PDE11A: variants seen among roughly 807,000 people sequenced by gnomAD.
The protein encoded by PDE11A is dual 3',5'-cyclic-AMP and -GMP phosphodiesterase 11A.
In PDE11A, 100 loss-of-function variants were observed where a neutral mutation model predicts 100.5. The ratio of observed to expected loss-of-function variants is 1.00; its 90% CI spans 0.85 to 1.18. PDE11A has a LOEUF of 1.18. Among genes scored for constraint, PDE11A ranks in the 50% most tolerant of loss-of-function variants. The pLI, the probability that PDE11A is intolerant of heterozygous loss-of-function variation, is 0.00. For synonymous variants in PDE11A, 381 were observed against 420.8 expected (o/e 0.91, Z 1.16); for missense variants, 1,141 against 1,152.6 (o/e 0.99, Z 0.15).
At chr2:178,021,778 A>T (rs1201488060) in intron 1 of PDE11A, among the ~76,000 whole-genome samples, 1 of 152,196 alleles carries the variant, frequency 6.6e-6, no homozygotes, top group Non-Finnish European at 1.5e-5. Flanking sequence ...AATAGGAATT[A>T]TCCAGAAAAA....
chr2:178,053,402 A>G (rs905644471), intron 1 of PDE11A, among the ~76,000 whole-genome samples: 1 of 152,238 alleles, frequency 6.6e-6, no homozygotes, highest in Admixed American at 6.5e-5. Flanking sequence ...CCCACAGCCA[A>G]TATCATACTG....
At chr2:177,692,038 A>G (rs941873776) in intron 15 of PDE11A, among the ~76,000 whole-genome samples, 2 of 152,144 alleles carry the variant, frequency 1.3e-5, no homozygotes, top group Non-Finnish European at 1.5e-5. Flanking sequence ...GCAGTCCTCA[A>G]TCTTGGCTCA....
intron 2 of PDE11A, among the ~76,000 whole-genome samples, chr2:178,081,757 T>C (rs542431391): frequency 6.6e-6 from 1 of 152,242 alleles, no homozygotes; most frequent in Non-Finnish European, 1.5e-5. Context: ...TTGCAAACAA[T>C]TCTGGTGATT....
At chr2:177,736,434 G>A (rs1035300462) in intron 10 of PDE11A, among the ~76,000 whole-genome samples, 1 of 151,878 alleles carries the variant, frequency 6.6e-6, no homozygotes, top group Non-Finnish European at 1.5e-5. Flanking sequence ...TGAGGCAGGA[G>A]AATTGCTTAA....
intron 5 of PDE11A, among the ~76,000 whole-genome samples, chr2:177,846,454 C>G (rs1360829407): frequency 6.6e-6 from 1 of 152,086 alleles, no homozygotes; most frequent in Non-Finnish European, 1.5e-5. Context: ...AGGAAAGGGC[C>G]CAAATTATTT....
intron 19 of PDE11A, among the ~76,000 whole-genome samples, chr2:177,631,480 CAAAAAAAAAAAAAA>C (rs539411793): frequency 0.16 from 1,283 of 7,984 alleles, 45 homozygotes; most frequent in Non-Finnish European, 0.2. Flanking sequence ...GACTCTATCT[CAAAAAAAAAAAAAA>C]AAAAAAAAAA....
At chr2:178,108,294 A>T (rs1245052609) in exon 1 of PDE11A, 1 of 152,260 alleles carries the variant, frequency 6.6e-6, no homozygotes, top group Non-Finnish European at 1.5e-5. Context: ...CTCAACTTCG[A>T]GGCTGGCGAT....
chr2:177,664,095 T>C, intron 18 of PDE11A, 146 bp from the exon 19 acceptor site: 1 of 641,830 alleles, frequency 1.6e-6, no homozygotes, highest in Non-Finnish European at 2.8e-6. Flanking sequence ...ATACTTTCTT[T>C]TCCTTTATCT....
At chr2:177,630,309 T>A (rs533195091) in intron 19 of PDE11A, among the ~76,000 whole-genome samples, 35 of 152,314 alleles carry the variant, frequency 2.3e-4, no homozygotes, top group African/African-American at 8.4e-4. Flanking sequence ...ATTTTGTGTG[T>A]GTGTGTTTTT....
intron 2 of PDE11A, among the ~76,000 whole-genome samples, chr2:178,009,803 A>C (rs1195256902): frequency 1.3e-5 from 2 of 152,234 alleles, no homozygotes; most frequent in African/African-American, 2.4e-5. Context: ...TTTTTAATTT[A>C]TCTCAGTCAA....
rs2086775622 is a variant in PDE11A at position 178,048,122 on chromosome 2, A to C, written c.912+23404T>G. Among the ~76,000 whole-genome samples the C allele has an allele frequency of 2.0e-5, 3 of 152,222 alleles. No individual in the cohort carries two copies. In the South Asian group the frequency reaches 6.2e-4, roughly 32 times the overall value. On this transcript the variant is annotated intron_variant, in intron 1 of 19. Transcript: ENST00000286063. The stretch of plus-strand genomic sequence containing the variant: ...GAAGCAGTTTCAATAATCTGGGTGA[A>C]AGATAATGGTGACTTGAATCAGAGT...
chr2:178,054,976 G>A (rs1043792494), intron 1 of PDE11A, among the ~76,000 whole-genome samples: 15 of 152,302 alleles, frequency 9.8e-5, no homozygotes, highest in Admixed American at 3.9e-4. Context: ...AATACCATTT[G>A]ACCCAACATC....
chr2:177,997,364 T>G, intron 2 of PDE11A: 1 of 846,250 alleles, frequency 1.2e-6, no homozygotes, highest in Non-Finnish European at 2.1e-6. Flanking sequence ...TGAAGATTTC[T>G]GGGGTGGTGA....
At chr2:177,637,089 A>T (rs192743570) in intron 19 of PDE11A, among the ~76,000 whole-genome samples, 1 of 152,338 alleles carries the variant, frequency 6.6e-6, no homozygotes, top group East Asian at 1.9e-4. Context: ...TATATATTGA[A>T]TGTTCACTGT....
At chr2:178,055,683 T>C (rs1430432520) in intron 1 of PDE11A, among the ~76,000 whole-genome samples, 2 of 152,112 alleles carry the variant, frequency 1.3e-5, no homozygotes, top group Non-Finnish European at 2.9e-5. Context: ...ATGATTATTT[T>C]ACTATATACT....
chr2:177,664,579 G>T (rs1051340025), intron 18 of PDE11A, among the ~76,000 whole-genome samples: 1 of 152,044 alleles, frequency 6.6e-6, no homozygotes, highest in African/African-American at 2.4e-5. Context: ...AGATAATTTA[G>T]GTATATTTTT....
At chr2:177,662,621 G>A in intron 19 of PDE11A, among the ~76,000 whole-genome samples, 1 of 152,186 alleles carries the variant, frequency 6.6e-6, no homozygotes, top group Middle Eastern at 3.4e-3. Context: ...TTAAAATAAA[G>A]TATACATCAT....
rs575899024 is a variant in PDE11A, at chr2:178,060,282, C to T, written c.912+11244G>A. Among the ~76,000 whole-genome samples, 141 of 151,726 alleles carry T rather than the reference C, an allele frequency of 9.3e-4. 1 individual carries two copies. Among genetic ancestry groups the T allele is most frequent in the Admixed American group, 2.7e-3 (41 of 15,244 alleles). On this transcript the variant is annotated intron_variant, in intron 1 of 19. Coordinates refer to ENST00000286063, the MANE Select transcript of PDE11A (RefSeq NM_016953.4). ...AGCTTTGGAAGGGTATCTGAGAAAGCAAATATGGTTTCTTTAAGTAATGAT... is the reference window on the plus strand; with the variant it reads ...AGCTTTGGAAGGGTATCTGAGAAAGTAAATATGGTTTCTTTAAGTAATGAT...
intron 5 of PDE11A, among the ~76,000 whole-genome samples, chr2:177,843,871 C>T (rs907808145): frequency 2.0e-5 from 3 of 152,168 alleles, no homozygotes; most frequent in African/African-American, 2.4e-5. Context: ...GTACCAATCA[C>T]GAGTGCTGAA....
Sources: gnomAD v4.1 joint callset for allele counts (sites outside exome capture counted in the v4.1 genomes callset) on GRCh38, gnomAD v4.1.1 for gene constraint, MANE v1.5 for transcripts, NCBI Gene and HGNC (gene_info 2026-07-23, HGNC 2026-07-21) for gene names.